SHISA9: variants seen among roughly 807,000 people sequenced by gnomAD.
The protein encoded by SHISA9 is shisa family member 9.
A neutral mutation model predicts 38.0 loss-of-function variants in SHISA9; 13 were observed. The observed-to-expected ratio is 0.34, with a 90% CI of 0.22 to 0.54. SHISA9 has a LOEUF of 0.54. SHISA9 is among the 20% of genes least tolerant of loss of function. The pLI is 0.91. For missense variants in SHISA9, 538 were observed against 575.8 expected (o/e 0.93, Z 0.67); for synonymous variants, 275 against 242.0 (o/e 1.14, Z -1.27).
At chr16:13,306,346 G>A in the SHISA9 span, among the ~76,000 whole-genome samples, 1 of 152,182 alleles carries the variant, frequency 6.6e-6, no homozygotes, top group Non-Finnish European at 1.5e-5. Context: ...ATCACAGGAA[G>A]AAGACTGCAA....
chr16:13,211,261 G>A (rs1256357706), intron 3 of SHISA9, among the ~76,000 whole-genome samples: 1 of 151,356 alleles, frequency 6.6e-6, no homozygotes, highest in Non-Finnish European at 1.5e-5. Flanking sequence ...AGTCGAGATT[G>A]TGCCACTGCA....
At chr16:13,072,459 G>A (rs756326791) in intron 2 of SHISA9, among the ~76,000 whole-genome samples, 12 of 152,128 alleles carry the variant, frequency 7.9e-5, no homozygotes, top group South Asian at 2.1e-4. Flanking sequence ...ATCTCTTGGC[G>A]AAATTCCAGC....
At chr16:12,970,540 T>TC (rs2072067520) in intron 2 of SHISA9, among the ~76,000 whole-genome samples, 1 of 110,588 alleles carries the variant, frequency 9.0e-6, no homozygotes, top group Non-Finnish European at 1.8e-5. Flanking sequence ...AGACCAAGTC[T>TC]CACTCTGTTG....
chr16:12,970,440 C>CATAT (rs1567357216), intron 2 of SHISA9, among the ~76,000 whole-genome samples: 1 of 34,986 alleles, frequency 2.9e-5, no homozygotes, highest in African/African-American at 1.3e-4. Context: ...TATATATATA[C>CATAT]ACACATATAT....
chr16:13,049,594 A>G (rs1280822028), intron 2 of SHISA9, among the ~76,000 whole-genome samples: 1 of 152,210 alleles, frequency 6.6e-6, no homozygotes, highest in Non-Finnish European at 1.5e-5. Context: ...TTGTAACAAA[A>G]ACAAGAACAG....
chr16:13,203,227 A>T, intron 2 of SHISA9, 167 bp from the exon 3 acceptor site: 2 of 503,408 alleles, frequency 4.0e-6, no homozygotes. Context: ...TCCAGTGAAG[A>T]CTATGAACTC....
intron 2 of SHISA9, among the ~76,000 whole-genome samples, chr16:12,963,109 T>C (rs1567354177): frequency 6.6e-6 from 1 of 152,214 alleles, no homozygotes; most frequent in Non-Finnish European, 1.5e-5. Context: ...TTGTTTCTGT[T>C]GCTTGCAGTC....
At chr16:13,396,979 A>ACTC in the SHISA9 span, among the ~76,000 whole-genome samples, 5 of 151,864 alleles carry the variant, frequency 3.3e-5, no homozygotes, top group East Asian at 1.9e-4. Context: ...AGTGAGACCA[A>ACTC]CTCCTCCTCC....
the SHISA9 span, among the ~76,000 whole-genome samples, chr16:13,404,967 C>T: frequency 6.6e-6 from 1 of 152,156 alleles, no homozygotes; most frequent in African/African-American, 2.4e-5. Flanking sequence ...ACTTCTGAAT[C>T]CATTCAAACG....
In SHISA9 at chr16:13,055,142, A is replaced by G. The variant is rs559818607; in HGVS notation, c.691+138327A>G. On this transcript the variant is annotated intron_variant, in intron 2 of 4. Coordinates refer to ENST00000558583, the MANE Select transcript of SHISA9 (RefSeq NM_001145204.3). ...GAATTTGTTCTGTTCTAAGCCCTTC[A>G]GTTGTATTATTTTATATAATCCACA... Among the ~76,000 whole-genome samples, 195 of 152,314 alleles carry G rather than the reference A, an allele frequency of 1.3e-3. 6 individuals carry two copies. The highest frequency in any genetic ancestry group is 8.9e-3 in the South Asian group (43 of 4,826).
the SHISA9 span, among the ~76,000 whole-genome samples, chr16:13,482,268 C>G: frequency 1.3e-5 from 2 of 152,246 alleles, no homozygotes; most frequent in African/African-American, 4.8e-5. Flanking sequence ...CTACTGAAGA[C>G]CACAGTGCCT....
At chr16:13,166,131 C>A (rs1227328751) in intron 2 of SHISA9, among the ~76,000 whole-genome samples, 2 of 152,188 alleles carry the variant, frequency 1.3e-5, no homozygotes, top group Non-Finnish European at 2.9e-5. Flanking sequence ...TTATTAACTT[C>A]CATTTCATGG....
chr16:13,388,638 G>T, the SHISA9 span, among the ~76,000 whole-genome samples: 1 of 152,052 alleles, frequency 6.6e-6, no homozygotes, highest in Non-Finnish European at 1.5e-5. Context: ...TGAAAATCCT[G>T]GTTCTATCAT....
At chr16:13,251,076 C>A in the SHISA9 span, among the ~76,000 whole-genome samples, 3 of 152,084 alleles carry the variant, frequency 2.0e-5, no homozygotes, top group Admixed American at 2.0e-4. Flanking sequence ...GGTTCTTCAC[C>A]CCCACCCCGT....
chr16:13,113,359 G>A (rs1169318015), intron 2 of SHISA9, among the ~76,000 whole-genome samples: 1 of 152,128 alleles, frequency 6.6e-6, no homozygotes, highest in East Asian at 1.9e-4. Flanking sequence ...CTGTCTCTTT[G>A]GTAAGAGGGC....
At chr16:13,388,771 G>A in the SHISA9 span, among the ~76,000 whole-genome samples, 1 of 88,854 alleles carries the variant, frequency 1.1e-5, no homozygotes, top group Non-Finnish European at 2.4e-5. Context: ...TTAGATGGAA[G>A]GGAAAACCTC....
downstream of SHISA9, among the ~76,000 whole-genome samples, chr16:13,241,672 C>T (rs950965806): frequency 6.6e-6 from 1 of 152,202 alleles, no homozygotes; most frequent in African/African-American, 2.4e-5. Flanking sequence ...GAAACTTCCA[C>T]TCTCTGGATG....
At chr16:13,214,374 G>A (rs1290796812) in intron 4 of SHISA9, among the ~76,000 whole-genome samples, 3 of 151,750 alleles carry the variant, frequency 2.0e-5, no homozygotes, top group Non-Finnish European at 4.4e-5. Context: ...GCTAATTTTT[G>A]AATTTTTTTT....
chr16:12,948,646 G>C (rs1487350383), intron 2 of SHISA9, among the ~76,000 whole-genome samples: 1 of 152,168 alleles, frequency 6.6e-6, no homozygotes, highest in African/African-American at 2.4e-5. Flanking sequence ...GGAGAAACAA[G>C]CTCCCTAGGA....
Sources: allele counts gnomAD v4.1 joint callset (sites outside exome capture counted in the v4.1 genomes callset), GRCh38; gene constraint gnomAD v4.1.1; transcripts MANE v1.5; gene names NCBI Gene and HGNC (gene_info 2026-07-23, HGNC 2026-07-21).